Variants in COL4A2 observed in about 807,000 individuals in gnomAD.
The protein encoded by COL4A2 is collagen alpha-2(IV) chain.
Under a neutral mutation model 200.2 loss-of-function variants are expected in COL4A2, and 99 were observed. That is an observed-to-expected ratio of 0.49 (90% CI 0.42 to 0.58). The LOEUF (loss-of-function observed/expected upper bound fraction) is 0.58. Ranked by LOEUF, COL4A2 falls within the 20% of genes least tolerant of loss-of-function variation. The pLI is 0.00. For missense variants in COL4A2, 1,950 were observed against 2,314.1 expected, an observed-to-expected ratio of 0.84 and a Z score of 3.23; for synonymous variants, 897 against 900.6, an observed-to-expected ratio of 1.00 and a Z score of 0.07.
At chr13:110,359,649 G>A (rs1028228529) in intron 4 of COL4A2, among the ~76,000 whole-genome samples, 8 of 152,140 alleles carry the variant, frequency 5.3e-5, no homozygotes, top group Non-Finnish European at 1.0e-4. Context: ...CAGGAAGAAC[G>A]ACCCTCTGCT....
At chr13:110,364,875 A>G (rs1396613709) in intron 4 of COL4A2, among the ~76,000 whole-genome samples, 2 of 152,194 alleles carry the variant, frequency 1.3e-5, no homozygotes, top group Non-Finnish European at 2.9e-5. Context: ...AGTTTTAATT[A>G]ATTAAAATGA....
chr13:110,439,815 A>G lies in COL4A2; in HGVS notation c.939A>G (p.Lys313=). 6.2e-7 allele frequency: 1 copy of G among 1,613,488 alleles called. No homozygotes were observed. The highest frequency in any genetic ancestry group is 8.5e-7 in the Non-Finnish European group (1 of 1,179,718). The stretch of plus-strand genomic sequence containing the variant: ...GTTACCCTGGCTTGAGTGGTGAAAA[A>G]GGATCACCAGGACAGAAGGTAAGTT... ...LRGYPGLSGE[K]GSPGQKGSRG... The change falls in exon 16 of 48, where the codon AAA becomes AAG. Residue 313 remains lysine (K), a synonymous_variant. Coordinates refer to ENST00000360467, the MANE Select transcript of COL4A2 (RefSeq NM_001846.4).
chr13:110,437,678 C>T (rs1369176014), intron 13 of COL4A2, among the ~76,000 whole-genome samples: 1 of 152,074 alleles, frequency 6.6e-6, no homozygotes, highest in African/African-American at 2.4e-5. Flanking sequence ...TCCTTGGGCA[C>T]GTTCTCCCAC....
In COL4A2 at chr13:110,467,034, C is replaced by A. The variant is rs764141701; in HGVS notation, c.2039-6C>A. On this transcript the variant is annotated splice_polypyrimidine_tract_variant and splice_region_variant and intron_variant, in intron 26 of 47. Coordinates refer to ENST00000360467, the MANE Select transcript of COL4A2 (RefSeq NM_001846.4). ...TGGGCTCATCTTTTCTCCTTTCTGT[C>A]CCCAGGTTGCATAGGAGGGCCCAAG... 6.2e-7 allele frequency: 1 copy of A among 1,614,008 alleles called. No individual in the cohort carries two copies. Among genetic ancestry groups the A allele is most frequent in the Admixed American group, 1.7e-5 (1 of 60,012 alleles).
intron 28 of COL4A2, among the ~76,000 whole-genome samples, chr13:110,469,734 T>G (rs1321046631): frequency 6.6e-6 from 1 of 152,122 alleles, no homozygotes; most frequent in Non-Finnish European, 1.5e-5. Context: ...TTAATCTGTA[T>G]GTGGAGGAAA....
intron 31 of COL4A2, among the ~76,000 whole-genome samples, chr13:110,481,907 GC>G (rs1882942728): frequency 3.0e-5 from 3 of 99,752 alleles, no homozygotes; most frequent in Non-Finnish European, 6.2e-5. Flanking sequence ...GAGACACACT[GC>G]TCTGTCCCTC....
intron 3 of COL4A2, among the ~76,000 whole-genome samples, chr13:110,311,129 C>G (rs573764794): frequency 2.0e-5 from 3 of 152,088 alleles, no homozygotes; most frequent in African/African-American, 7.2e-5. Context: ...GAGGCTCTCC[C>G]CCTCCTTCCT....
chr13:110,424,671 G>A lies in COL4A2; in HGVS notation c.181-63G>A, dbSNP rs115817425. On this transcript the variant is annotated intron_variant, in intron 4 of 47. Transcript: ENST00000360467. ...AAAAAATGTAGTTTTGAAAGTAACCGTAACTGATCATGAGTATGTATTGTG... is the reference window on the plus strand; with the variant it reads ...AAAAAATGTAGTTTTGAAAGTAACCATAACTGATCATGAGTATGTATTGTG... 4.2e-3 allele frequency: 4,676 copies of A among 1,119,342 alleles called. 119 individuals carry two copies. The African/African-American group carries it at 0.061, about 15-fold the overall frequency. 69.3% of individuals were successfully genotyped at this position (1,119,342 alleles called of 1,614,324 possible).
In COL4A2 at chr13:110,468,092, G is replaced by A. The variant is rs926936310; in HGVS notation, c.2095+996G>A. 4.8e-5 allele frequency: 22 copies of A among 462,762 alleles called. 1 individual carries two copies. Among genetic ancestry groups the A allele is most frequent in the Admixed American group, 1.4e-4 (6 of 42,364 alleles). 28.7% of individuals were successfully genotyped at this position (462,762 alleles called of 1,614,324 possible). ...CTTCCCGTGATAAACTGTAGAGAGCGACACCAGTGTAGTATGAACAGCAAT... is the reference window on the plus strand; with the variant it reads ...CTTCCCGTGATAAACTGTAGAGAGCAACACCAGTGTAGTATGAACAGCAAT... On this transcript the variant is annotated intron_variant, in intron 27 of 47. Transcript: ENST00000360467.
At chr13:110,482,383 C>T (rs1433370486) in intron 31 of COL4A2, 133 bp from the exon 32 acceptor site, 15 of 965,396 alleles carry the variant, frequency 1.6e-5, no homozygotes, top group African/African-American at 6.5e-5. Context: ...ATGGTGTCCC[C>T]GGAAATCCCT....
chr13:110,353,749 G>C (rs994436498), intron 3 of COL4A2, among the ~76,000 whole-genome samples: 2 of 152,208 alleles, frequency 1.3e-5, no homozygotes, highest in African/African-American at 4.8e-5. Context: ...CTGGAGGACA[G>C]GTAAGATGTC....
At chr13:110,479,328 C>T (rs1594098363) in intron 30 of COL4A2, among the ~76,000 whole-genome samples, 1 of 34,266 alleles carries the variant, frequency 2.9e-5, no homozygotes, top group South Asian at 1.2e-3. Context: ...ACGCGGTCCC[C>T]GGTGACCCAG....
chr13:110,465,954 C>T, intron 25 of COL4A2, 49 bp from the exon 26 acceptor site: 1 of 1,601,682 alleles, frequency 6.2e-7, no homozygotes, highest in Non-Finnish European at 8.5e-7. Context: ...GCCAGTAACT[C>T]TTATCTGTTT....
intron 18 of COL4A2, among the ~76,000 whole-genome samples, chr13:110,447,481 C>A (rs1054448220): frequency 1.1e-4 from 16 of 152,104 alleles, no homozygotes; most frequent in African/African-American, 3.9e-4. Flanking sequence ...TCCAAATTGG[C>A]GAGATCATAT....
chr13:110,458,540 A>G (rs1473712789), intron 21 of COL4A2, among the ~76,000 whole-genome samples: 1 of 152,160 alleles, frequency 6.6e-6, no homozygotes, highest in African/African-American at 2.4e-5. Flanking sequence ...TCTTTAGTAA[A>G]CATCAGAGTC....
At chr13:110,449,964 A>C (rs1350743442) in intron 19 of COL4A2, among the ~76,000 whole-genome samples, 175 bp downstream of exon 19, 1 of 152,022 alleles carries the variant, frequency 6.6e-6, no homozygotes, top group East Asian at 1.9e-4. Flanking sequence ...CCTTCACAGA[A>C]CCCTCGCACA....
chr13:110,389,719 C>A (rs1264031173), intron 4 of COL4A2, among the ~76,000 whole-genome samples: 6 of 152,210 alleles, frequency 3.9e-5, no homozygotes, highest in African/African-American at 1.4e-4. Flanking sequence ...AAAGCTGGCC[C>A]CAGAAGCAGG....
At chr13:110,417,483 G>T (rs997325674) in intron 4 of COL4A2, among the ~76,000 whole-genome samples, 1 of 151,878 alleles carries the variant, frequency 6.6e-6, no homozygotes, top group African/African-American at 2.4e-5. Context: ...TTTGTTTTTA[G>T]GTCAAGGTTA....
chr13:110,361,148 A>C lies in COL4A2; in HGVS notation c.180+3596A>C, dbSNP rs9559777. Among the ~76,000 whole-genome samples, 121 of 152,336 alleles carry C rather than the reference A, an allele frequency of 7.9e-4. 1 individual carries two copies. In the East Asian group the frequency reaches 0.022, roughly 27 times the overall value. On this transcript the variant is annotated intron_variant, in intron 4 of 47. Transcript: ENST00000360467. The stretch of plus-strand genomic sequence containing the variant: ...AGACAATTACTCTCAGGACTGCTGC[A>C]TCTACTGTATTAAAACATTTTTAAG...
Sources: allele counts gnomAD v4.1 joint callset (sites outside exome capture counted in the v4.1 genomes callset), GRCh38; gene constraint gnomAD v4.1.1; transcripts MANE v1.5; gene names NCBI Gene and HGNC (gene_info 2026-07-23, HGNC 2026-07-21).